The following NXPE2 variants were observed in gnomAD, a reference collection of about 807,000 sequenced individuals.
NXPE2 encodes NXPE family member 2.
In NXPE2, 34 loss-of-function variants were observed where a neutral mutation model predicts 34.4. That is an observed-to-expected ratio of 0.99 (90% confidence interval 0.75 to 1.31). The LOEUF is 1.31. Among genes scored for constraint, NXPE2 ranks in the 40% most tolerant of loss-of-function variants. The probability of loss-of-function intolerance (pLI) is 0.00; values close to 1 mark genes in which losing one functional copy is unlikely to be tolerated. For synonymous variants in NXPE2, 235 were observed against 231.3 expected (o/e 1.02, Z -0.15); for missense variants, 649 against 672.5 (o/e 0.97, Z 0.39).
chr11:114,599,473 G>A, the NXPE2 span, among the ~76,000 whole-genome samples: 1 of 152,150 alleles, frequency 6.6e-6, no homozygotes, highest in East Asian at 1.9e-4. Context: ...TTATGGCAGT[G>A]TTCCACTCCC....
At chr11:114,624,936 C>T in the NXPE2 span, among the ~76,000 whole-genome samples, 1 of 149,144 alleles carries the variant, frequency 6.7e-6, no homozygotes, top group African/African-American at 2.5e-5. Context: ...GTGGATAATA[C>T]GTGTTGCCTC....
At chr11:114,737,927 T>TA in the NXPE2 span, among the ~76,000 whole-genome samples, 5,515 of 149,824 alleles carry the variant, frequency 0.037, 335 homozygotes, top group African/African-American at 0.13. Flanking sequence ...TACTAAAAAA[T>TA]AAAAAAAAAA....
chr11:114,653,561 A>G, the NXPE2 span, among the ~76,000 whole-genome samples: 11 of 123,594 alleles, frequency 8.9e-5, no homozygotes, highest in African/African-American at 3.1e-4. Flanking sequence ...TTTTAGACAG[A>G]GTCTTGCTCT....
the NXPE2 span, among the ~76,000 whole-genome samples, chr11:114,630,310 G>T: frequency 6.6e-6 from 1 of 151,728 alleles, no homozygotes; most frequent in African/African-American, 2.4e-5. Flanking sequence ...GCATGGTACT[G>T]GTACCAAAAT....
Position 114,705,793 on chromosome 11 carries a change from TAAA to T in NXPE2, c.945_947del (p.Lys316del). On this transcript the variant is annotated inframe_deletion, in exon 5 of 6. Coordinates refer to ENST00000389586, the MANE Select transcript of NXPE2 (RefSeq NM_182495.6). Reference sequence around the variant, plus strand: ...TTTGTATTGCCAGAGAGCGAGAACATAAAAAAGAACTGCCAGATTGGAATGAAG... The same window carrying T: ...TTTGTATTGCCAGAGAGCGAGAACATAAAGAACTGCCAGATTGGAATGAAG... 5.4e-6 allele frequency: 8 copies of T among 1,471,048 alleles called. No individual in the cohort carries two copies. Among genetic ancestry groups the T allele is most frequent in the Non-Finnish European group, 7.2e-6 (8 of 1,110,404 alleles). The allele number at this position is 1,471,048 out of a possible 1,614,324, so 91.1% of individuals were successfully genotyped here. A position where few individuals can be genotyped will look rare whatever the true frequency, so the allele number is the denominator to read the frequency against.
the NXPE2 span, among the ~76,000 whole-genome samples, chr11:114,492,280 G>A: frequency 2.0e-4 from 31 of 151,370 alleles, no homozygotes; most frequent in Non-Finnish European, 4.0e-4. Context: ...TTTAATTTTC[G>A]TGTATTTGTA....
the NXPE2 span, among the ~76,000 whole-genome samples, chr11:114,729,187 C>T: frequency 1.8e-4 from 28 of 152,172 alleles, no homozygotes; most frequent in Non-Finnish European, 3.4e-4. Context: ...TCTGTTCCTG[C>T]GTTCAGTTGC....
chr11:114,632,343 A>G, the NXPE2 span, among the ~76,000 whole-genome samples: 9 of 135,262 alleles, frequency 6.7e-5, 1 homozygote, highest in South Asian at 1.9e-3. Context: ...ATAATAGAAT[A>G]TATAATATAT....
At chr11:114,645,002 CTA>C in the NXPE2 span, among the ~76,000 whole-genome samples, 3 of 151,238 alleles carry the variant, frequency 2.0e-5, no homozygotes, top group Admixed American at 6.6e-5. Context: ...ATTATTCACA[CTA>C]TTAAAAAAAA....
the NXPE2 span, among the ~76,000 whole-genome samples, chr11:114,625,121 A>T: frequency 2.0e-4 from 30 of 152,222 alleles, no homozygotes; most frequent in African/African-American, 7.2e-4. Context: ...CCTCATGGGT[A>T]ACCACTTCTA....
the NXPE2 span, among the ~76,000 whole-genome samples, chr11:114,771,174 GA>G: frequency 5.3e-5 from 8 of 151,792 alleles, no homozygotes; most frequent in African/African-American, 1.7e-4. Context: ...CCACCTTTGG[GA>G]ATGGGTCAAA....
the NXPE2 span, among the ~76,000 whole-genome samples, chr11:114,608,635 G>T: frequency 3.3e-5 from 5 of 151,502 alleles, no homozygotes; most frequent in African/African-American, 1.2e-4. Flanking sequence ...GATAATACTT[G>T]TTGCCTCGAG....
chr11:114,529,737 G>A, the NXPE2 span: 1 of 171,102 alleles, frequency 5.8e-6, no homozygotes, highest in Non-Finnish European at 1.3e-5. Context: ...TATGACTGCT[G>A]GGAGAGAGAC....
the NXPE2 span, chr11:114,594,694 G>T: frequency 1.9e-6 from 3 of 1,603,396 alleles, no homozygotes; most frequent in South Asian, 1.1e-5. Flanking sequence ...CTGTAAAAAT[G>T]ATCCAGGAGG....
chr11:114,733,014 T>C, the NXPE2 span, among the ~76,000 whole-genome samples: 1 of 152,222 alleles, frequency 6.6e-6, no homozygotes, highest in African/African-American at 2.4e-5. Context: ...TTCAGTTTGC[T>C]CTTTTAACTA....
At chr11:114,799,590 CT>C in the NXPE2 span, among the ~76,000 whole-genome samples, 1 of 152,170 alleles carries the variant, frequency 6.6e-6, no homozygotes, top group African/African-American at 2.4e-5. Context: ...AGGAGACCCC[CT>C]GGGTGGGAAG....
At chr11:114,793,567 G>A in the NXPE2 span, among the ~76,000 whole-genome samples, 2 of 152,186 alleles carry the variant, frequency 1.3e-5, no homozygotes, top group African/African-American at 4.8e-5. Flanking sequence ...GGCTTAACCT[G>A]GCCTTCTGCG....
intron 3 of NXPE2, 114 bp downstream of exon 3, chr11:114,698,892 T>A: frequency 9.8e-7 from 1 of 1,017,462 alleles, no homozygotes; most frequent in Non-Finnish European, 1.4e-6. Context: ...GACTAAATTA[T>A]AATTAGGTCC....
At chr11:114,666,378 T>C in the NXPE2 span, among the ~76,000 whole-genome samples, 3 of 152,148 alleles carry the variant, frequency 2.0e-5, no homozygotes, top group African/African-American at 7.2e-5. Flanking sequence ...AATTTGGGGA[T>C]GAAAGATTTT....
Sources: allele counts gnomAD v4.1 joint callset (sites outside exome capture counted in the v4.1 genomes callset), GRCh38; gene constraint gnomAD v4.1.1; transcripts MANE v1.5; gene names NCBI Gene and HGNC (gene_info 2026-07-23, HGNC 2026-07-21).